Variants in CRB1 observed in about 807,000 individuals in gnomAD.
CRB1 encodes the protein protein crumbs homolog 1.
CRB1 carries 83 observed loss-of-function variants against 120.0 expected under a neutral mutation model. The ratio of observed to expected loss-of-function variants is 0.69; its 90% CI spans 0.58 to 0.83. CRB1 has a LOEUF of 0.83. Among genes scored for constraint, CRB1 ranks in the 40% least tolerant of loss-of-function variants. The pLI, the probability that CRB1 is intolerant of heterozygous loss-of-function variation, is 0.00. For missense variants in CRB1, 1,699 were observed against 1,687.6 expected (o/e 1.01, Z -0.12); for synonymous variants, 625 against 612.5 (o/e 1.02, Z -0.30).
At chr1:197,364,712 T>C (rs1391214666) in intron 5 of CRB1, among the ~76,000 whole-genome samples, 1 of 152,084 alleles carries the variant, frequency 6.6e-6, no homozygotes, top group Non-Finnish European at 1.5e-5. Context: ...TATTGTTTTT[T>C]ACAAGTCTAT....
the CRB1 span, among the ~76,000 whole-genome samples, chr1:197,214,036 G>T: frequency 6.6e-6 from 1 of 151,656 alleles, no homozygotes; most frequent in African/African-American, 2.4e-5. Context: ...AAATGATAAA[G>T]ATAAGAGCCA....
chr1:197,284,638 G>C (rs1655719667), intron 1 of CRB1, among the ~76,000 whole-genome samples: 1 of 151,870 alleles, frequency 6.6e-6, no homozygotes, highest in Non-Finnish European at 1.5e-5. Context: ...CAGAGGTCTA[G>C]TCTTCAGCCA....
chr1:197,348,756 A>T (rs773409493), intron 4 of CRB1, among the ~76,000 whole-genome samples: 14 of 152,172 alleles, frequency 9.2e-5, no homozygotes, highest in Non-Finnish European at 1.8e-4. Context: ...GATTACAGGC[A>T]TAAGCCACTG....
chr1:197,349,992 C>T (rs775636689), intron 4 of CRB1, among the ~76,000 whole-genome samples: 10 of 150,932 alleles, frequency 6.6e-5, no homozygotes, highest in Non-Finnish European at 1.5e-4. Flanking sequence ...CCCAGCTACT[C>T]GGGAGGCTGA....
At chr1:197,307,039 G>A (rs1251480204) in intron 1 of CRB1, among the ~76,000 whole-genome samples, 1 of 152,018 alleles carries the variant, frequency 6.6e-6, no homozygotes, top group African/African-American at 2.4e-5. Flanking sequence ...TATTTTATTT[G>A]TTCTATTCAA....
At chr1:197,346,470 G>T (rs1394114178) in intron 3 of CRB1, among the ~76,000 whole-genome samples, 1 of 152,036 alleles carries the variant, frequency 6.6e-6, no homozygotes, top group Non-Finnish European at 1.5e-5. Context: ...ATACTGAATA[G>T]ATTTCTAACA....
In CRB1 at chr1:197,466,724, G is replaced by A. The variant is rs539756750; in HGVS notation, c.4006-10940G>A. Among the ~76,000 whole-genome samples, 18 of 152,324 alleles carry A rather than the reference G, an allele frequency of 1.2e-4. No homozygotes were observed. The South Asian group carries it at 2.3e-3, about 19-fold the overall frequency. On this transcript the variant is annotated intron_variant, in intron 11 of 11. Transcript: ENST00000367400. ...CTGCTGAAGGGATATGTGATAAGCC[G>A]TAGGGATGTCAGGGATCCTGCATTA...
At chr1:197,256,557 C>T in the CRB1 span, among the ~76,000 whole-genome samples, 2 of 151,734 alleles carry the variant, frequency 1.3e-5, no homozygotes, top group African/African-American at 2.4e-5. Context: ...ATCTGTATTC[C>T]TTCTTTTTTT....
At chr1:197,215,196 G>A in the CRB1 span, among the ~76,000 whole-genome samples, 2 of 151,920 alleles carry the variant, frequency 1.3e-5, no homozygotes, top group Admixed American at 6.6e-5. Flanking sequence ...GGTATAGTTT[G>A]GCTGTGTCCC....
chr1:197,300,565 G>A (rs1656805237), intron 1 of CRB1, among the ~76,000 whole-genome samples: 1 of 150,522 alleles, frequency 6.6e-6, no homozygotes, highest in Non-Finnish European at 1.5e-5. Flanking sequence ...GCAGAGGTTG[G>A]TTCATAAGGT....
intron 11 of CRB1, among the ~76,000 whole-genome samples, chr1:197,472,401 C>G (rs1667021277): frequency 1.3e-5 from 2 of 152,234 alleles, no homozygotes; most frequent in Admixed American, 1.3e-4. Context: ...AGAGAAAGGA[C>G]CTCTGGGGGC....
chr1:197,465,913 G>A (rs1247778252), intron 11 of CRB1, among the ~76,000 whole-genome samples: 2 of 152,234 alleles, frequency 1.3e-5, no homozygotes, highest in East Asian at 1.9e-4. Flanking sequence ...TAGAGTAAAT[G>A]GCACAATAGA....
At chr1:197,222,390 C>T in the CRB1 span, 11 of 765,126 alleles carry the variant, frequency 1.4e-5, no homozygotes, top group Middle Eastern at 3.7e-4. Flanking sequence ...CCTTTCTTGG[C>T]CAGGACTTGC....
chr1:197,269,318 TG>T (rs1654777850), intron 1 of CRB1, among the ~76,000 whole-genome samples: 1 of 152,196 alleles, frequency 6.6e-6, no homozygotes. Flanking sequence ...CACACAGTGT[TG>T]GATAATCTGG....
chr1:197,473,019 T>C (rs1667048433), intron 11 of CRB1, among the ~76,000 whole-genome samples: 1 of 152,238 alleles, frequency 6.6e-6, no homozygotes, highest in East Asian at 1.9e-4. Flanking sequence ...TTATTATACT[T>C]ATCCTACATA....
intron 2 of CRB1, among the ~76,000 whole-genome samples, chr1:197,335,136 TAA>T (rs1026097717): frequency 9.2e-5 from 14 of 152,120 alleles, no homozygotes; most frequent in Admixed American, 7.2e-4. Flanking sequence ...GGCCCTGAGG[TAA>T]AGAGTCCTTG....
chr1:197,316,252 T>G (rs1415088409), intron 1 of CRB1, among the ~76,000 whole-genome samples: 1 of 152,128 alleles, frequency 6.6e-6, no homozygotes, highest in Non-Finnish European at 1.5e-5. Context: ...TGGCATGATC[T>G]TGGCTCACTG....
At chr1:197,364,948 G>T (rs1412626170) in intron 5 of CRB1, among the ~76,000 whole-genome samples, 1 of 152,024 alleles carries the variant, frequency 6.6e-6, no homozygotes, top group Admixed American at 6.5e-5. Context: ...ACATGATTTT[G>T]AATTGTATGC....
At chr1:197,341,364 G>A (rs955401637) in intron 2 of CRB1, among the ~76,000 whole-genome samples, 6 of 152,070 alleles carry the variant, frequency 3.9e-5, no homozygotes, top group African/African-American at 1.4e-4. Context: ...CCAACATGGT[G>A]AAACCCCATC....
Sources: gnomAD v4.1 joint callset for allele counts (sites outside exome capture counted in the v4.1 genomes callset) on GRCh38, gnomAD v4.1.1 for gene constraint, MANE v1.5 for transcripts, NCBI Gene and HGNC (gene_info 2026-07-23, HGNC 2026-07-21) for gene names.